TGFB2: variants seen among roughly 807,000 people sequenced by gnomAD.
TGFB2 encodes the protein transforming growth factor beta 2, also known as transforming growth factor beta-2 proprotein.
In TGFB2, 13 loss-of-function variants were observed where a neutral mutation model predicts 42.7. That is an observed-to-expected ratio of 0.30 (90% CI 0.20 to 0.48). TGFB2 has a LOEUF of 0.48. Ranked by LOEUF, TGFB2 falls within the 20% of genes least tolerant of loss-of-function variation. TGFB2 has a pLI of 0.99. For missense variants in TGFB2, 390 were observed against 517.5 expected, an observed-to-expected ratio of 0.75 and a Z score of 2.39; for synonymous variants, 193 against 193.6, an observed-to-expected ratio of 1.00 and a Z score of 0.03.
chr1:218,346,033 G>A lies in TGFB2; in HGVS notation c.-669G>A, dbSNP rs867035533. Among the ~76,000 whole-genome samples the A allele has an allele frequency of 6.6e-6, 1 of 150,470 alleles. No individual in the cohort carries two copies. Among genetic ancestry groups the A allele is most frequent in the African/African-American group, 2.5e-5 (1 of 40,306 alleles). On this transcript the variant is annotated 5_prime_UTR_variant, in exon 1 of 7. Transcript: ENST00000366930. This position sits in a 1 kb window ranked among gnomAD's most constrained non-coding sequence, Gnocchi z 4.9. ...CACCCTCCTCCCCGCGGTGCGCTGGGCTCGCCCCCAGCGCGCGCACACGCA... is the reference window on the plus strand; with the variant it reads ...CACCCTCCTCCCCGCGGTGCGCTGGACTCGCCCCCAGCGCGCGCACACGCA...
chr1:218,396,564 AT>A (rs1052660954), intron 1 of TGFB2, among the ~76,000 whole-genome samples: 1 of 151,554 alleles, frequency 6.6e-6, no homozygotes, highest in African/African-American at 2.4e-5. Flanking sequence ...AATCTTCTAA[AT>A]TTTTAGAAAA....
intron 1 of TGFB2, among the ~76,000 whole-genome samples, chr1:218,364,706 A>G (rs1316035032): frequency 6.6e-6 from 1 of 152,212 alleles, no homozygotes; most frequent in Non-Finnish European, 1.5e-5. Flanking sequence ...AGAAATCAGT[A>G]TAGTTTATTT....
chr1:218,353,044 C>T (rs1004868933), intron 1 of TGFB2, among the ~76,000 whole-genome samples: 5 of 152,142 alleles, frequency 3.3e-5, no homozygotes, highest in Non-Finnish European at 7.4e-5. Flanking sequence ...TCTCAAATGC[C>T]TTTGACTTCA....
chr1:218,379,857 T>A (rs1038187493), intron 1 of TGFB2, among the ~76,000 whole-genome samples: 8 of 152,320 alleles, frequency 5.3e-5, no homozygotes, highest in African/African-American at 1.9e-4. Flanking sequence ...CTTCTTTTAC[T>A]TACTTAAGGA....
chr1:218,436,208 C>T lies in TGFB2; in HGVS notation c.932+61C>T, dbSNP rs1393552647. 6.4e-6 allele frequency: 10 copies of T among 1,562,592 alleles called. No homozygotes were observed. In the African/African-American group the frequency reaches 1.2e-4, roughly 19 times the overall value. On this transcript the variant is annotated intron_variant, in intron 5 of 6. Coordinates refer to ENST00000366930, the MANE Select transcript of TGFB2 (RefSeq NM_003238.6). ...CTGTTAACTCTTAAACTGCCTTTGC[C>T]CTTTCTTTTACTGTGTATTGACCCA... is the stretch of plus-strand genomic sequence containing the variant.
chr1:218,365,430 C>T (rs994296137), intron 1 of TGFB2, among the ~76,000 whole-genome samples: 3 of 152,112 alleles, frequency 2.0e-5, no homozygotes, highest in African/African-American at 7.2e-5. Flanking sequence ...TTAATTGCTG[C>T]GAGCTTCTGT....
At position 218,428,972 on chromosome 1, in the gene TGFB2, C is replaced by CTTTTT. The variant is rs34950123; in HGVS notation, c.511-5090_511-5086dup. ...ATTGATTCTCCCTATCCATGAGCAT[C>CTTTTT]TTTTTTTTTTTTTTTTTTTTTTTTC... On this transcript the variant is annotated intron_variant, in intron 2 of 6. Transcript: ENST00000366930. Among the ~76,000 whole-genome samples the CTTTTT allele has an allele frequency of 3.9e-4, 37 of 95,876 alleles. 1 individual carries two copies. Among genetic ancestry groups the CTTTTT allele is most frequent in the East Asian group, 1.6e-3 (4 of 2,556 alleles). The allele number at this position is 95,876 out of a possible 152,430, so 62.9% of individuals were successfully genotyped here.
chr1:218,423,816 G>A (rs1185438461), intron 2 of TGFB2, among the ~76,000 whole-genome samples: 5 of 152,172 alleles, frequency 3.3e-5, no homozygotes, highest in African/African-American at 1.2e-4. Context: ...CAGGCAATGT[G>A]ACTGATGCTC....
chr1:218,437,802 G>T (rs942662293), intron 6 of TGFB2, among the ~76,000 whole-genome samples: 5 of 152,098 alleles, frequency 3.3e-5, no homozygotes, highest in Non-Finnish European at 7.4e-5. Flanking sequence ...CTGGAGGGAA[G>T]TTTTGTTTAC....
At chr1:218,415,280 A>G (rs1161777743) in intron 2 of TGFB2, among the ~76,000 whole-genome samples, 4 of 152,196 alleles carry the variant, frequency 2.6e-5, no homozygotes, top group Admixed American at 6.5e-5. Flanking sequence ...TTAAAAATGA[A>G]TGCTTCCCCT....
intron 1 of TGFB2, among the ~76,000 whole-genome samples, chr1:218,348,706 C>T (rs1031989857): frequency 2.0e-5 from 3 of 152,222 alleles, no homozygotes; most frequent in Admixed American, 6.5e-5. Context: ...GTAATTAGTC[C>T]AAAACCATTG....
intron 2 of TGFB2, among the ~76,000 whole-genome samples, chr1:218,415,760 G>C (rs1167891777): frequency 1.4e-5 from 2 of 147,426 alleles, no homozygotes; most frequent in African/African-American, 2.5e-5. Flanking sequence ...GAAAGGAGGA[G>C]ACCTTTGCAG....
At chr1:218,350,439 G>A (rs1007598698) in intron 1 of TGFB2, among the ~76,000 whole-genome samples, 1 of 152,156 alleles carries the variant, frequency 6.6e-6, no homozygotes, top group Non-Finnish European at 1.5e-5. Context: ...ATAATGCATA[G>A]GGCAACCCCC....
intron 1 of TGFB2, among the ~76,000 whole-genome samples, chr1:218,362,048 C>T (rs962721538): frequency 7.2e-5 from 11 of 152,212 alleles, no homozygotes; most frequent in Non-Finnish European, 1.6e-4. Context: ...TGTGAAAAAT[C>T]TGCCACTGGG....
intron 2 of TGFB2, among the ~76,000 whole-genome samples, chr1:218,420,796 G>A (rs535438705): frequency 2.0e-5 from 3 of 152,326 alleles, no homozygotes; most frequent in Non-Finnish European, 4.4e-5. Context: ...TAAAGCGAAA[G>A]AGTTCACGTA....
intron 1 of TGFB2, among the ~76,000 whole-genome samples, chr1:218,399,417 A>T (rs1032038171): frequency 6.6e-6 from 1 of 152,132 alleles, no homozygotes; most frequent in Admixed American, 6.5e-5. Context: ...ATTAAAAATT[A>T]AAAAAAATTA....
chr1:218,363,470 A>G (rs1168924039), intron 1 of TGFB2: 25 of 1,537,036 alleles, frequency 1.6e-5, no homozygotes, highest in Non-Finnish European at 2.2e-5. Context: ...TATCAAATCC[A>G]TCTTTAGTGT....
chr1:218,426,508 T>C (rs1463230916), intron 2 of TGFB2, among the ~76,000 whole-genome samples: 1 of 152,254 alleles, frequency 6.6e-6, no homozygotes, highest in South Asian at 2.1e-4. Context: ...AATGAAGAGC[T>C]TGGAGCCTTG....
intron 6 of TGFB2, among the ~76,000 whole-genome samples, chr1:218,439,385 C>T (rs1283755516): frequency 1.3e-5 from 2 of 151,858 alleles, no homozygotes; most frequent in African/African-American, 2.4e-5. Flanking sequence ...GATCAGCTGC[C>T]AAAAAAGATC....
Sources: gnomAD v4.1 joint callset for allele counts (sites outside exome capture counted in the v4.1 genomes callset) on GRCh38, gnomAD v4.1.1 for gene constraint, Gnocchi (gnomAD v3.1) non-coding constraint, MANE v1.5 for transcripts, NCBI Gene and HGNC (gene_info 2026-07-23, HGNC 2026-07-21) for gene names.